Variants in NT5C3A observed in about 807,000 individuals in gnomAD.
NT5C3A encodes cytosolic 5'-nucleotidase 3A.
In NT5C3A, 23 loss-of-function variants were observed where a neutral mutation model predicts 40.0. The observed-to-expected ratio is 0.58, with a 90% confidence interval of 0.41 to 0.81. NT5C3A has a LOEUF of 0.81. Among genes scored for constraint, NT5C3A ranks in the 40% least tolerant of loss-of-function variants. NT5C3A has a pLI of 0.00. For synonymous variants in NT5C3A, 130 were observed against 141.4 expected (o/e 0.92, Z 0.57); for missense variants, 328 against 403.0 (o/e 0.81, Z 1.59).
intron 1 of NT5C3A, among the ~76,000 whole-genome samples, chr7:33,044,709 T>C (rs1392383201): frequency 6.6e-6 from 1 of 152,222 alleles, no homozygotes; most frequent in Non-Finnish European, 1.5e-5. Context: ...TATTTCTGAG[T>C]AACTAGTTAA....
rs866746461 is a variant in NT5C3A, at chr7:33,056,465, G to A, written c.138+6103C>T. Among the ~76,000 whole-genome samples, 4 of 87,904 alleles carry A rather than the reference G, an allele frequency of 4.6e-5. No homozygotes were observed. In the South Asian group the frequency reaches 1.3e-3, roughly 29 times the overall value. 57.7% of individuals were successfully genotyped at this position (87,904 alleles called of 152,430 possible). On this transcript the variant is annotated intron_variant, in intron 1 of 8. Transcript: ENST00000610140. ...CAGCCTGGGCAAATAGTGAGACCCC[G>A]TCTCTACCAAAAAAAAAAAAAAAAA... is the stretch of plus-strand genomic sequence containing the variant.
chr7:33,044,096 GGCTCACCGCAACCTCT>G (rs1393454444), intron 1 of NT5C3A, among the ~76,000 whole-genome samples: 1 of 151,386 alleles, frequency 6.6e-6, no homozygotes, highest in Non-Finnish European at 1.5e-5. Flanking sequence ...GCGCTATCTG[GGCTCACCGCAACCTCT>G]GCCTTCCCAG....
chr7:33,031,313 C>T (rs934200210), intron 1 of NT5C3A, among the ~76,000 whole-genome samples: 1 of 152,016 alleles, frequency 6.6e-6, no homozygotes, highest in African/African-American at 2.4e-5. Flanking sequence ...CACGGCCGGG[C>T]ATGGTGGCTC....
At position 33,062,710 on chromosome 7, in the gene NT5C3A, G is replaced by A. The variant is rs200687813; in HGVS notation, c.-5C>T. 11 of 1,559,998 alleles carry A rather than the reference G, an allele frequency of 7.1e-6. No individual in the cohort carries two copies. The East Asian group carries it at 1.7e-4, about 24-fold the overall frequency. The stretch of plus-strand genomic sequence containing the variant: ...CGCCACGGCCGCGCGGTCCATGGAC[G>A]GGGCCCTCATGCGCGTCCAAGCAGG... On this transcript the variant is annotated 5_prime_UTR_variant, in exon 1 of 9. Coordinates refer to ENST00000610140, the MANE Select transcript of NT5C3A (RefSeq NM_001002010.5).
intron 7 of NT5C3A, among the ~76,000 whole-genome samples, chr7:33,016,491 A>T (rs1490966322): frequency 1.3e-5 from 2 of 150,492 alleles, no homozygotes; most frequent in Non-Finnish European, 3.0e-5. Flanking sequence ...CAACATGGTG[A>T]AACCCTGTCT....
chr7:33,022,451 A>AT (rs569662445), intron 3 of NT5C3A, among the ~76,000 whole-genome samples: 5 of 152,142 alleles, frequency 3.3e-5, no homozygotes, highest in African/African-American at 4.8e-5. Flanking sequence ...TGGGAAATAC[A>AT]TTTTTTTCGT....
At chr7:33,048,505 C>T (rs1787244180) in intron 1 of NT5C3A, among the ~76,000 whole-genome samples, 2 of 152,116 alleles carry the variant, frequency 1.3e-5, no homozygotes, top group African/African-American at 4.8e-5. Context: ...TATAGTGAAT[C>T]ACATGATCGA....
At chr7:33,029,557 G>A (rs1583920039) in intron 1 of NT5C3A, 3 of 757,464 alleles carry the variant, frequency 4.0e-6, no homozygotes, top group East Asian at 6.4e-5. Context: ...AGCAACACAG[G>A]ATATATATCA....
intron 1 of NT5C3A, among the ~76,000 whole-genome samples, chr7:33,056,759 C>T (rs962632917): frequency 6.6e-6 from 1 of 152,122 alleles, no homozygotes; most frequent in African/African-American, 2.4e-5. Flanking sequence ...AAAACACAGA[C>T]TCAATAGTGG....
intron 1 of NT5C3A, among the ~76,000 whole-genome samples, chr7:33,049,963 C>A (rs2128015672): frequency 8.0e-6 from 1 of 125,668 alleles, no homozygotes; most frequent in Non-Finnish European, 1.6e-5. Flanking sequence ...GAGGGAGACT[C>A]CATCTCAAAA....
In NT5C3A at chr7:33,021,253, C is replaced by T. The variant is rs1286247380; in HGVS notation, c.440+19G>A. Reference sequence around the variant, plus strand: ...TTATTATTTTTTTTTAATCCTCCTACTGCCTAATATACACTTACCATTCCA... The same window carrying T: ...TTATTATTTTTTTTTAATCCTCCTATTGCCTAATATACACTTACCATTCCA... On this transcript the variant is annotated intron_variant, in intron 5 of 8. Transcript: ENST00000610140. 2 of 1,610,148 alleles carry T rather than the reference C, an allele frequency of 1.2e-6. No homozygotes were observed. The highest frequency in any genetic ancestry group is 1.1e-5 in the South Asian group (1 of 90,372).
At chr7:33,059,766 C>T (rs1463880496) in intron 1 of NT5C3A, among the ~76,000 whole-genome samples, 5 of 152,106 alleles carry the variant, frequency 3.3e-5, no homozygotes, top group Non-Finnish European at 5.9e-5. Flanking sequence ...GCACAAAGTC[C>T]CGTTGATTTT....
intron 3 of NT5C3A, among the ~76,000 whole-genome samples, chr7:33,023,284 A>C (rs1785735802): frequency 6.6e-6 from 1 of 151,348 alleles, no homozygotes; most frequent in African/African-American, 2.4e-5. Context: ...TTTGAGATGA[A>C]GTTTCACTCT....
At chr7:33,043,576 T>G (rs1252381022) in intron 1 of NT5C3A, among the ~76,000 whole-genome samples, 2 of 152,186 alleles carry the variant, frequency 1.3e-5, no homozygotes, top group African/African-American at 4.8e-5. Context: ...AAACACTTTA[T>G]GGCATGAAAA....
intron 1 of NT5C3A, among the ~76,000 whole-genome samples, chr7:33,051,616 T>C (rs910837010): frequency 2.0e-5 from 3 of 152,178 alleles, no homozygotes; most frequent in Non-Finnish European, 4.4e-5. Context: ...CTGCAATCCA[T>C]CTCTTTTCTG....
At chr7:33,019,816 T>C in intron 5 of NT5C3A, 92 bp from the exon 6 acceptor site, 1 of 773,108 alleles carries the variant, frequency 1.3e-6, no homozygotes, top group South Asian at 1.4e-5. Context: ...TGTGAGAAAA[T>C]CTGTTCCTCA....
chr7:33,059,002 T>G (rs1217326295), intron 1 of NT5C3A, among the ~76,000 whole-genome samples: 1 of 152,194 alleles, frequency 6.6e-6, no homozygotes, highest in Non-Finnish European at 1.5e-5. Context: ...AAGATGGACA[T>G]AGCTAATTCT....
At chr7:33,024,557 GGGA>G (rs1166564918) in intron 2 of NT5C3A, among the ~76,000 whole-genome samples, 20 of 152,142 alleles carry the variant, frequency 1.3e-4, no homozygotes, top group Non-Finnish European at 5.9e-5. Context: ...TGGGAAGGGT[GGGA>G]GGGTTGGTGA....
At chr7:33,033,192 T>C (rs969089087) in intron 1 of NT5C3A, among the ~76,000 whole-genome samples, 2 of 152,232 alleles carry the variant, frequency 1.3e-5, no homozygotes, top group Non-Finnish European at 2.9e-5. Flanking sequence ...TTGTTTATAT[T>C]TGGTAGCAAC....
Sources: gnomAD v4.1 joint callset for allele counts (sites outside exome capture counted in the v4.1 genomes callset) on GRCh38, gnomAD v4.1.1 for gene constraint, MANE v1.5 for transcripts, NCBI Gene and HGNC (gene_info 2026-07-23, HGNC 2026-07-21) for gene names.